ROBO2: variants seen among roughly 807,000 people sequenced by gnomAD.
ROBO2 encodes roundabout homolog 2.
ROBO2 carries 53 observed loss-of-function variants against 160.8 expected under a neutral mutation model. The observed-to-expected ratio is 0.33, with a 90% confidence interval of 0.26 to 0.41. The LOEUF is 0.41. Among genes scored for constraint, ROBO2 ranks in the 10% least tolerant of loss-of-function variants. ROBO2 has a pLI of 1.00. For missense variants in ROBO2, 1,577 were observed against 1,722.4 expected (o/e 0.92, Z 1.49); for synonymous variants, 664 against 611.7 (o/e 1.09, Z -1.26).
intron 25 of ROBO2, among the ~76,000 whole-genome samples, chr3:77,645,194 T>A (rs1043475641): frequency 1.3e-5 from 2 of 152,204 alleles, no homozygotes; most frequent in Non-Finnish European, 2.9e-5. Flanking sequence ...AGAGTGTTTA[T>A]CATTTTCTTT....
At chr3:77,358,298 TC>T (rs1161286755) in intron 2 of ROBO2, among the ~76,000 whole-genome samples, 1 of 152,176 alleles carries the variant, frequency 6.6e-6, no homozygotes, top group Non-Finnish European at 1.5e-5. Flanking sequence ...GAACTCCAGT[TC>T]CTTCCTCTGT....
chr3:77,351,119 C>T (rs1028283892), intron 2 of ROBO2, among the ~76,000 whole-genome samples: 1 of 152,096 alleles, frequency 6.6e-6, no homozygotes, highest in African/African-American at 2.4e-5. Context: ...GTTTGTTTTA[C>T]TCCTGACTTG....
intron 2 of ROBO2, among the ~76,000 whole-genome samples, chr3:76,638,780 A>C (rs1262834738): frequency 2.0e-5 from 3 of 151,976 alleles, no homozygotes; most frequent in Non-Finnish European, 4.4e-5. Context: ...TTTTACTCTG[A>C]GTATGTAGGA....
chr3:76,355,263 A>G (rs2108324075), intron 2 of ROBO2, among the ~76,000 whole-genome samples: 1 of 151,946 alleles, frequency 6.6e-6, no homozygotes, highest in East Asian at 1.9e-4. Context: ...GGTAATAGTG[A>G]GAATTAAATT....
intron 2 of ROBO2, among the ~76,000 whole-genome samples, chr3:76,890,060 A>G (rs2148811043): frequency 6.6e-6 from 1 of 152,274 alleles, no homozygotes; most frequent in South Asian, 2.1e-4. Context: ...CTCTGCGTGT[A>G]ATGAGAAGTC....
chr3:77,544,611 C>T (rs1020934487), intron 6 of ROBO2, among the ~76,000 whole-genome samples: 5 of 151,984 alleles, frequency 3.3e-5, no homozygotes, highest in Admixed American at 6.6e-5. Flanking sequence ...GAATTGGTTG[C>T]GTGTTTGGGG....
intron 2 of ROBO2, among the ~76,000 whole-genome samples, chr3:77,182,952 T>G (rs1241432071): frequency 6.6e-6 from 1 of 152,022 alleles, no homozygotes; most frequent in East Asian, 1.9e-4. Flanking sequence ...TCTCCCTATC[T>G]TAGGGAATAG....
intron 2 of ROBO2, among the ~76,000 whole-genome samples, chr3:76,537,141 C>T (rs1340067012): frequency 6.6e-6 from 1 of 151,720 alleles, no homozygotes; most frequent in East Asian, 1.9e-4. Flanking sequence ...TCAGAGGACT[C>T]TGAGGTTGGG....
At chr3:76,643,992 C>T (rs565885575) in intron 2 of ROBO2, among the ~76,000 whole-genome samples, 1 of 152,136 alleles carries the variant, frequency 6.6e-6, no homozygotes, top group Non-Finnish European at 1.5e-5. Context: ...ATTTATCAAA[C>T]TTTTTTGTCA....
rs148146546 is a variant in ROBO2 at position 76,160,850 on chromosome 3, G to T, written c.109+223248G>T. ...CCCATGAAATACACAGAGATTTCTC[G>T]TGAAATTCACAGTTCAAGTGAATTT... On this transcript the variant is annotated intron_variant, in intron 2 of 26. Coordinates refer to the ROBO2 transcript ENST00000487694. 4.3e-4 allele frequency among the ~76,000 whole-genome samples: 65 copies of T among 152,152 alleles called. No homozygotes were observed. The East Asian group carries it at 6.0e-3, about 14-fold the overall frequency.
At chr3:76,657,798 A>G (rs2091633816) in intron 2 of ROBO2, among the ~76,000 whole-genome samples, 1 of 147,834 alleles carries the variant, frequency 6.8e-6, no homozygotes, top group Non-Finnish European at 1.5e-5. Context: ...ATGTTCATAT[A>G]TATGTGTGTA....
intron 2 of ROBO2, among the ~76,000 whole-genome samples, chr3:76,555,437 G>GGAAGAGGAAGA (rs1560141967): frequency 5.0e-4 from 26 of 52,508 alleles, no homozygotes; most frequent in African/African-American, 9.4e-4. Context: ...GAAGGGGAAG[G>GGAAGAGGAAGA]GGAAGAGGAA....
chr3:76,904,023 C>A (rs2075421396), intron 2 of ROBO2, among the ~76,000 whole-genome samples: 1 of 152,070 alleles, frequency 6.6e-6, no homozygotes, highest in Non-Finnish European at 1.5e-5. Context: ...GTCTCTATTA[C>A]CTTCACAAAA....
chr3:76,072,299 G>A (rs1461231790), intron 2 of ROBO2, among the ~76,000 whole-genome samples: 1 of 151,556 alleles, frequency 6.6e-6, no homozygotes, highest in Non-Finnish European at 1.5e-5. Flanking sequence ...ATTTCCTTTA[G>A]GATATAAAGA....
At chr3:75,928,900 G>GACTTAAACCGTTCAT (rs1947401850) in intron 1 of ROBO2, among the ~76,000 whole-genome samples, 19 of 117,884 alleles carry the variant, frequency 1.6e-4, no homozygotes, top group African/African-American at 6.5e-4. Flanking sequence ...GTGTGTGTGT[G>GACTTAAACCGTTCAT]TGATAGCTGA....
intron 2 of ROBO2, among the ~76,000 whole-genome samples, chr3:76,101,678 C>T (rs2069687468): frequency 6.6e-6 from 1 of 151,140 alleles, no homozygotes; most frequent in African/African-American, 2.4e-5. Context: ...GGTATATCTC[C>T]TAATGCTATC....
At chr3:76,934,089 TG>T (rs2077525942) in intron 2 of ROBO2, among the ~76,000 whole-genome samples, 2 of 152,190 alleles carry the variant, frequency 1.3e-5, no homozygotes, top group Non-Finnish European at 2.9e-5. Flanking sequence ...CCAGAAACTT[TG>T]TTTTGAGAAA....
At chr3:76,860,834 C>T (rs572612543) in intron 2 of ROBO2, among the ~76,000 whole-genome samples, 50 of 152,222 alleles carry the variant, frequency 3.3e-4, no homozygotes, top group Non-Finnish European at 4.6e-4. Flanking sequence ...ATAAACAAGA[C>T]GCCTTTTCTC....
At chr3:76,316,613 A>T (rs1439894024) in intron 2 of ROBO2, among the ~76,000 whole-genome samples, 4 of 152,216 alleles carry the variant, frequency 2.6e-5, no homozygotes, top group African/African-American at 4.8e-5. Context: ...CTGAGGTGAC[A>T]TACATTCGCA....
Sources: allele counts gnomAD v4.1 joint callset (sites outside exome capture counted in the v4.1 genomes callset), GRCh38; gene constraint gnomAD v4.1.1; transcripts MANE v1.5; gene names NCBI Gene and HGNC (gene_info 2026-07-23, HGNC 2026-07-21).